The following CAMTA1 variants were observed in gnomAD, a reference collection of about 807,000 sequenced individuals.
CAMTA1 encodes calmodulin-binding transcription activator 1.
CAMTA1 carries 27 observed loss-of-function variants against 170.9 expected under a neutral mutation model. The ratio of observed to expected loss-of-function variants is 0.16; its 90% CI spans 0.12 to 0.22. The LOEUF is 0.22. CAMTA1 is among the 10% of genes least tolerant of loss of function. The probability of loss-of-function intolerance (pLI) is 1.00; values close to 1 mark genes in which losing one functional copy is unlikely to be tolerated. For missense variants in CAMTA1, 1,619 were observed against 2,217.2 expected (o/e 0.73, Z 5.42); for synonymous variants, 833 against 891.5 (o/e 0.93, Z 1.17).
chr1:6,899,548 G>T (rs941057064), intron 3 of CAMTA1, among the ~76,000 whole-genome samples: 1 of 89,782 alleles, frequency 1.1e-5, no homozygotes, highest in African/African-American at 3.9e-5. Context: ...ACGCGCACGC[G>T]CGCGCGCACA....
At chr1:7,158,884 T>C (rs1269416347) in intron 4 of CAMTA1, among the ~76,000 whole-genome samples, 1 of 151,800 alleles carries the variant, frequency 6.6e-6, no homozygotes, top group Non-Finnish European at 1.5e-5. Context: ...AGGTTTCCCT[T>C]TGGGTTAGGC....
intron 4 of CAMTA1, among the ~76,000 whole-genome samples, chr1:7,111,026 T>C (rs2148374758): frequency 6.6e-6 from 1 of 152,368 alleles, no homozygotes; most frequent in East Asian, 1.9e-4. Context: ...AATCCATCTC[T>C]TCACCTCTTC....
intron 3 of CAMTA1, among the ~76,000 whole-genome samples, chr1:6,958,271 C>T (rs979093505): frequency 1.3e-5 from 2 of 152,304 alleles, no homozygotes; most frequent in East Asian, 1.9e-4. Flanking sequence ...TCAAAATAAA[C>T]GAACAACACA....
At chr1:6,881,266 A>G (rs1671486929) in intron 3 of CAMTA1, among the ~76,000 whole-genome samples, 1 of 152,240 alleles carries the variant, frequency 6.6e-6, no homozygotes, top group Admixed American at 6.5e-5. Context: ...CAGTGCAGCA[A>G]GGTACACAGT....
chr1:7,530,552 G>A (rs1450474996), intron 6 of CAMTA1, among the ~76,000 whole-genome samples: 2 of 152,190 alleles, frequency 1.3e-5, no homozygotes, highest in African/African-American at 4.8e-5. Context: ...GGTTATAGAT[G>A]AGGGAGGGTC....
At chr1:7,649,622 T>C (rs1234170274) in intron 7 of CAMTA1, among the ~76,000 whole-genome samples, 1 of 152,188 alleles carries the variant, frequency 6.6e-6, no homozygotes, top group East Asian at 1.9e-4. Context: ...CAAATGTTGG[T>C]TTCTCACTCC....
chr1:6,863,010 C>T (rs1449937337), intron 3 of CAMTA1, among the ~76,000 whole-genome samples: 1 of 152,134 alleles, frequency 6.6e-6, no homozygotes, highest in Non-Finnish European at 1.5e-5. Context: ...AACTTTCCCC[C>T]AGCTTTGTTG....
rs2092921012 is a variant in CAMTA1 at position 7,455,160 on chromosome 1, A to G, written c.439-12670A>G. On this transcript the variant is annotated intron_variant, in intron 5 of 22. Coordinates refer to ENST00000303635, the MANE Select transcript of CAMTA1 (RefSeq NM_015215.4). This position sits in a 1 kb window ranked among gnomAD's most constrained non-coding sequence, Gnocchi z 5.0. ...GGGCGCTGCTGTGCAGACCCTGCTA[A>G]GTCTGTTCCAGGACAAGACATGCTG... Among the ~76,000 whole-genome samples the G allele has an allele frequency of 6.6e-6, 1 of 152,124 alleles. No homozygotes were observed. The highest frequency in any genetic ancestry group is 6.5e-5 in the Admixed American group (1 of 15,280).
intron 6 of CAMTA1, among the ~76,000 whole-genome samples, chr1:7,571,822 G>A (rs919987557): frequency 6.6e-6 from 1 of 152,134 alleles, no homozygotes; most frequent in Non-Finnish European, 1.5e-5. Flanking sequence ...TCTTTATGGT[G>A]GAACAATTTA....
intron 3 of CAMTA1, among the ~76,000 whole-genome samples, chr1:6,846,212 G>A (rs1658075121): frequency 6.6e-6 from 1 of 152,202 alleles, no homozygotes; most frequent in African/African-American, 2.4e-5. Flanking sequence ...TGTATATTTG[G>A]TTTTAAAATT....
intron 5 of CAMTA1, among the ~76,000 whole-genome samples, chr1:7,297,113 C>A (rs1674065621): frequency 6.6e-6 from 1 of 152,104 alleles, no homozygotes; most frequent in Admixed American, 6.5e-5. Flanking sequence ...TTCTCCCTGC[C>A]CAAAAAGAGT....
At chr1:7,723,888 C>A in intron 11 of CAMTA1, among the ~76,000 whole-genome samples, 1 of 152,232 alleles carries the variant, frequency 6.6e-6, no homozygotes, top group Non-Finnish European at 1.5e-5. Flanking sequence ...GGTGTGATCT[C>A]AGCTCACTGC....
chr1:7,713,600 T>C (rs2096587482), intron 11 of CAMTA1, among the ~76,000 whole-genome samples: 1 of 152,216 alleles, frequency 6.6e-6, no homozygotes, highest in Admixed American at 6.5e-5. Flanking sequence ...CAAAACATCT[T>C]TGATACAACA....
chr1:7,156,240 C>T (rs1022137849), intron 4 of CAMTA1, among the ~76,000 whole-genome samples: 11 of 148,044 alleles, frequency 7.4e-5, no homozygotes, highest in Non-Finnish European at 1.5e-4. Flanking sequence ...CCCCACTGCA[C>T]TGCAGCCTGG....
At chr1:7,357,716 G>T (rs969467223) in intron 5 of CAMTA1, among the ~76,000 whole-genome samples, 2 of 152,068 alleles carry the variant, frequency 1.3e-5, no homozygotes, top group Admixed American at 1.3e-4. Context: ...AGATGTCCTC[G>T]TCCATGTGTG....
chr1:7,207,530 A>G (rs1372582142), intron 4 of CAMTA1, among the ~76,000 whole-genome samples: 1 of 152,210 alleles, frequency 6.6e-6, no homozygotes, highest in Non-Finnish European at 1.5e-5. Flanking sequence ...AACCGACACA[A>G]TCACCCACAA....
Position 7,413,908 on chromosome 1 carries a change from C to T in CAMTA1, c.439-53922C>T, listed in dbSNP as rs985197302. ...GGCTGTGGGTTTGTCATAGATAACT[C>T]TTATGATTTTGACGTACATCCCATC... On this transcript the variant is annotated intron_variant, in intron 5 of 22. Coordinates refer to ENST00000303635, the MANE Select transcript of CAMTA1 (RefSeq NM_015215.4). 2.6e-5 allele frequency among the ~76,000 whole-genome samples: 4 copies of T among 152,152 alleles called. No homozygotes were observed. In the East Asian group the frequency reaches 5.8e-4, roughly 22 times the overall value.
At chr1:7,304,533 C>T (rs575843114) in intron 5 of CAMTA1, among the ~76,000 whole-genome samples, 1 of 151,572 alleles carries the variant, frequency 6.6e-6, no homozygotes, top group South Asian at 2.1e-4. Context: ...AATTACATTC[C>T]AGCTAACAGT....
At chr1:6,812,567 T>C (rs1354604454) in intron 1 of CAMTA1, among the ~76,000 whole-genome samples, 3 of 152,250 alleles carry the variant, frequency 2.0e-5, no homozygotes, top group Admixed American at 2.0e-4. Context: ...TTTTACTGAA[T>C]GTATTCTAGT....
Sources: allele counts gnomAD v4.1 joint callset (sites outside exome capture counted in the v4.1 genomes callset), GRCh38; gene constraint gnomAD v4.1.1; non-coding constraint Gnocchi (gnomAD v3.1); transcripts MANE v1.5; gene names NCBI Gene and HGNC (gene_info 2026-07-23, HGNC 2026-07-21).